SHLD1: variants seen among roughly 807,000 people sequenced by gnomAD.
SHLD1 encodes the protein RINN1-REV7-interacting novel NHEJ regulator 3.
A neutral mutation model predicts 5.5 loss-of-function variants in SHLD1; 3 were observed. The ratio of observed to expected loss-of-function variants is 0.54; its 90% CI spans 0.25 to 1.40. SHLD1 has a LOEUF of 1.40. Among genes scored for constraint, SHLD1 ranks in the 40% most tolerant of loss-of-function variants. SHLD1 has a pLI of 0.15. For missense variants in SHLD1, 210 were observed against 244.4 expected (o/e 0.86, Z 0.94); for synonymous variants, 92 against 94.3 (o/e 0.98, Z 0.14).
intron 1 of SHLD1, among the ~76,000 whole-genome samples, chr20:5,768,266 C>G (rs1039680729): frequency 6.6e-6 from 1 of 152,166 alleles, no homozygotes; most frequent in South Asian, 2.1e-4. Context: ...TGAGCCACAA[C>G]GCCCAGCCAA....
chr20:5,817,017 C>T lies in SHLD1; in HGVS notation c.178+43974C>T, dbSNP rs140051483. On this transcript the variant is annotated intron_variant, in intron 2 of 2. Coordinates refer to ENST00000303142, the MANE Select transcript of SHLD1 (RefSeq NM_152504.4). ...TCAGGTGATGGAGGCTACAGTGAGC[C>T]GAGATTGTGCCACTGCACTCCAGCC... Among the ~76,000 whole-genome samples the T allele has an allele frequency of 9.1e-3, 1,378 of 152,082 alleles. 16 individuals are homozygous for T. The highest frequency in any genetic ancestry group is 0.014 in the Non-Finnish European group (974 of 67,988).
At chr20:5,772,712 GA>G in intron 1 of SHLD1, 149 bp from the exon 2 acceptor site, 1 of 693,956 alleles carries the variant, frequency 1.4e-6, no homozygotes, top group Non-Finnish European at 2.3e-6. Context: ...AGGAGTTCAA[GA>G]CCAGCCTGGG....
intron 2 of SHLD1, among the ~76,000 whole-genome samples, chr20:5,849,521 G>A (rs973433707): frequency 1.3e-5 from 2 of 152,222 alleles, no homozygotes; most frequent in African/African-American, 4.8e-5. Flanking sequence ...ACATAACTGT[G>A]TGGTAGGAAC....
In SHLD1 at chr20:5,764,767, C is replaced by T. The variant is rs147569524; in HGVS notation, c.-4-8095C>T. Among the ~76,000 whole-genome samples the T allele has an allele frequency of 8.5e-5, 13 of 152,080 alleles. No individual in the cohort carries two copies. The East Asian group carries it at 1.4e-3, about 16-fold the overall frequency. On this transcript the variant is annotated intron_variant, in intron 1 of 2. Coordinates refer to ENST00000303142, the MANE Select transcript of SHLD1 (RefSeq NM_152504.4). The stretch of plus-strand genomic sequence containing the variant: ...TGGGTAGAAAGTTGGATAGATGGAT[C>T]GTTGTGTGATGAAGCAAGTCATAGA...
At chr20:5,801,527 C>T (rs1479852883) in intron 2 of SHLD1, among the ~76,000 whole-genome samples, 1 of 152,166 alleles carries the variant, frequency 6.6e-6, no homozygotes, top group Non-Finnish European at 1.5e-5. Context: ...TTACGTGGCC[C>T]CAGGACGTGC....
chr20:5,760,446 A>G (rs1176539232), intron 1 of SHLD1, among the ~76,000 whole-genome samples: 1 of 152,058 alleles, frequency 6.6e-6, no homozygotes, highest in African/African-American at 2.4e-5. Context: ...TAATCCCAAC[A>G]CTTTGGGAGG....
intron 2 of SHLD1, among the ~76,000 whole-genome samples, chr20:5,826,705 C>T (rs79299943): frequency 0.04 from 6,070 of 152,224 alleles, 434 homozygotes; most frequent in African/African-American, 0.14. Context: ...CTGAACTTCA[C>T]CACTTACTAG....
intron 1 of SHLD1, among the ~76,000 whole-genome samples, chr20:5,751,207 A>G (rs776738854): frequency 2.0e-5 from 3 of 152,182 alleles, no homozygotes; most frequent in Non-Finnish European, 2.9e-5. Context: ...AGCCTTGCCA[A>G]TTCGCACGTT....
At chr20:5,803,028 C>G (rs529669001) in intron 2 of SHLD1, among the ~76,000 whole-genome samples, 4 of 152,274 alleles carry the variant, frequency 2.6e-5, no homozygotes, top group South Asian at 4.1e-4. Flanking sequence ...TCTCGCTGTT[C>G]TGGGCTTATT....
chr20:5,787,839 A>G (rs1280277280), intron 2 of SHLD1, among the ~76,000 whole-genome samples: 1 of 152,262 alleles, frequency 6.6e-6, no homozygotes, highest in South Asian at 2.1e-4. Flanking sequence ...GTGTAGGATA[A>G]TATAACATTT....
At chr20:5,831,767 G>A (rs1466106801) in intron 2 of SHLD1, among the ~76,000 whole-genome samples, 4 of 151,990 alleles carry the variant, frequency 2.6e-5, no homozygotes, top group African/African-American at 9.7e-5. Flanking sequence ...TTGTTTACAT[G>A]TTCATTGTAG....
intron 2 of SHLD1, among the ~76,000 whole-genome samples, chr20:5,803,195 T>G (rs2087322465): frequency 6.6e-6 from 1 of 152,142 alleles, no homozygotes; most frequent in South Asian, 2.1e-4. Context: ...AGACAAAGTT[T>G]TGCTCTGTTA....
intron 2 of SHLD1, among the ~76,000 whole-genome samples, chr20:5,774,368 G>A (rs1256296669): frequency 2.6e-5 from 4 of 152,188 alleles, no homozygotes; most frequent in Non-Finnish European, 5.9e-5. Flanking sequence ...GAATTCTATG[G>A]AGAAATATGT....
intron 2 of SHLD1, among the ~76,000 whole-genome samples, chr20:5,836,267 T>G (rs2087788212): frequency 6.6e-6 from 1 of 152,216 alleles, no homozygotes; most frequent in Non-Finnish European, 1.5e-5. Context: ...AGTAGATAAT[T>G]GCACAAAACT....
chr20:5,818,354 G>T (rs1014550532), intron 2 of SHLD1, among the ~76,000 whole-genome samples: 2 of 152,174 alleles, frequency 1.3e-5, no homozygotes, highest in African/African-American at 4.8e-5. Context: ...GGGATTACAG[G>T]CGTGAGCCAC....
intron 1 of SHLD1, among the ~76,000 whole-genome samples, chr20:5,769,931 G>C (rs1568493257): frequency 6.6e-6 from 1 of 150,704 alleles, no homozygotes; most frequent in Non-Finnish European, 1.5e-5. Context: ...TTGAACCCAG[G>C]AGGCGGAGGT....
intron 1 of SHLD1, among the ~76,000 whole-genome samples, chr20:5,759,583 G>T (rs1984342710): frequency 6.6e-6 from 1 of 152,110 alleles, no homozygotes; most frequent in African/African-American, 2.4e-5. Flanking sequence ...GCTCAGGCTG[G>T]AGTGCAGTGG....
chr20:5,755,621 G>GCCATC (rs1215840521), intron 1 of SHLD1, among the ~76,000 whole-genome samples: 1 of 151,738 alleles, frequency 6.6e-6, no homozygotes, highest in East Asian at 1.9e-4. Context: ...GTGGAATGGT[G>GCCATC]TCATCTAGGC....
intron 2 of SHLD1, among the ~76,000 whole-genome samples, chr20:5,850,336 T>A (rs1404561625): frequency 1.3e-5 from 2 of 151,612 alleles, no homozygotes; most frequent in African/African-American, 4.8e-5. Flanking sequence ...CTAACCCCAT[T>A]TCTTCCTCTC....
Sources: gnomAD v4.1 joint callset for allele counts (sites outside exome capture counted in the v4.1 genomes callset) on GRCh38, gnomAD v4.1.1 for gene constraint, MANE v1.5 for transcripts, NCBI Gene and HGNC (gene_info 2026-07-23, HGNC 2026-07-21) for gene names.